CAMK4: variants seen among roughly 807,000 people sequenced by gnomAD.
The protein encoded by CAMK4 is calcium/calmodulin-dependent protein kinase type IV.
CAMK4 carries 22 observed loss-of-function variants against 44.9 expected under a neutral mutation model. The ratio of observed to expected loss-of-function variants is 0.49; its 90% CI spans 0.35 to 0.70. The LOEUF is 0.70. Among genes scored for constraint, CAMK4 ranks in the 30% least tolerant of loss-of-function variants. The pLI, the probability that CAMK4 is intolerant of heterozygous loss-of-function variation, is 0.01. For missense variants in CAMK4, 498 were observed against 586.8 expected (o/e 0.85, Z 1.56); for synonymous variants, 218 against 215.4 (o/e 1.01, Z -0.11).
Position 111,394,761 on chromosome 5 carries a change from A to AGGT in CAMK4, c.438_439insGGT (p.Lys146_Gln147insGly). The AGGT allele has an allele frequency of 6.2e-7, 1 of 1,612,244 alleles. No homozygotes were observed. The highest frequency in any genetic ancestry group is 8.5e-7 in the Non-Finnish European group (1 of 1,178,498). ...AGCGAGATGCTGCAGATGCCGTTAA[A>AGGT]CAAATCCTGGAGGCAGTTGCTGTAA... On this transcript the variant is annotated inframe_insertion, in exon 5 of 11. Transcript: ENST00000282356.
intron 5 of CAMK4, among the ~76,000 whole-genome samples, chr5:111,425,045 C>A (rs1027716254): frequency 6.6e-6 from 1 of 151,684 alleles, no homozygotes; most frequent in Non-Finnish European, 1.5e-5. Flanking sequence ...GCACTTGTAG[C>A]CCAGCTACTT....
At chr5:111,310,252 T>C (rs1177717935) in intron 1 of CAMK4, among the ~76,000 whole-genome samples, 1 of 152,218 alleles carries the variant, frequency 6.6e-6, no homozygotes, top group Non-Finnish European at 1.5e-5. Flanking sequence ...ACCTCCATTC[T>C]CTAGTAAACA....
In CAMK4 at chr5:111,484,818, A is replaced by T. The variant is rs932661194; in HGVS notation, c.*352A>T. On this transcript the variant is annotated 3_prime_UTR_variant, in exon 11 of 11. Coordinates refer to ENST00000282356, the MANE Select transcript of CAMK4 (RefSeq NM_001744.6). This position sits in a 1 kb window ranked among gnomAD's most constrained non-coding sequence, Gnocchi z 5.3. ...AATCTAGCCATCCTACATCCTTTGG[A>T]TTTCTTCACAAGGCAGTAATTCCTT... The T allele has an allele frequency of 5.9e-6, 1 of 170,292 alleles. No individual in the cohort carries two copies. Among genetic ancestry groups the T allele is most frequent in the Non-Finnish European group, 1.2e-5 (1 of 80,796 alleles). 10.5% of individuals were successfully genotyped at this position (170,292 alleles called of 1,614,324 possible).
At chr5:111,318,678 T>TCACTTCTGGC (rs1748535935) in intron 1 of CAMK4, among the ~76,000 whole-genome samples, 2 of 152,156 alleles carry the variant, frequency 1.3e-5, no homozygotes, top group South Asian at 4.1e-4. Flanking sequence ...GTCGCTAATG[T>TCACTTCTGGC]CACTTCTGGC....
intron 1 of CAMK4, among the ~76,000 whole-genome samples, chr5:111,301,570 ATAGGAAGG>A (rs1378355233): frequency 6.6e-6 from 1 of 152,220 alleles, no homozygotes; most frequent in Non-Finnish European, 1.5e-5. Flanking sequence ...GAAAATATAG[ATAGGAAGG>A]TGAATTTTTC....
At chr5:111,422,129 A>G (rs1448663421) in intron 5 of CAMK4, among the ~76,000 whole-genome samples, 4 of 152,206 alleles carry the variant, frequency 2.6e-5, no homozygotes, top group Non-Finnish European at 5.9e-5. Context: ...TCTGTGAGAC[A>G]CTTGATTCTA....
intron 5 of CAMK4, among the ~76,000 whole-genome samples, chr5:111,417,519 G>A (rs1752858167): frequency 6.6e-6 from 1 of 150,878 alleles, no homozygotes; most frequent in South Asian, 2.1e-4. Flanking sequence ...TCTGGCCCCA[G>A]CTAATTAAAA....
chr5:111,425,357 T>C (rs1395351381), intron 5 of CAMK4, among the ~76,000 whole-genome samples: 1 of 152,216 alleles, frequency 6.6e-6, no homozygotes, highest in East Asian at 1.9e-4. Flanking sequence ...ATGAATCAGA[T>C]TGGTCTCACC....
At chr5:111,414,774 G>C (rs556939972) in intron 5 of CAMK4, among the ~76,000 whole-genome samples, 3 of 152,048 alleles carry the variant, frequency 2.0e-5, no homozygotes, top group Non-Finnish European at 4.4e-5. Flanking sequence ...GTTTATATTA[G>C]TACTAAAATT....
At chr5:111,408,902 G>C (rs1047481083) in intron 5 of CAMK4, among the ~76,000 whole-genome samples, 1 of 152,150 alleles carries the variant, frequency 6.6e-6, no homozygotes, top group Non-Finnish European at 1.5e-5. Flanking sequence ...TTGACTCCTT[G>C]TCTCACCTCC....
chr5:111,460,851 A>T (rs1488230772), intron 7 of CAMK4, among the ~76,000 whole-genome samples: 1 of 150,890 alleles, frequency 6.6e-6, no homozygotes, highest in East Asian at 1.9e-4. Context: ...AATAAGTTGT[A>T]TTTTTTTTTC....
chr5:111,263,938 A>G (rs1285088828), intron 1 of CAMK4, among the ~76,000 whole-genome samples: 2 of 152,272 alleles, frequency 1.3e-5, no homozygotes, highest in Middle Eastern at 3.4e-3. Flanking sequence ...CATAGAAAAA[A>G]AAAGCCACCT....
At chr5:111,342,889 T>C (rs1028047023) in intron 1 of CAMK4, among the ~76,000 whole-genome samples, 7 of 151,680 alleles carry the variant, frequency 4.6e-5, no homozygotes, top group Non-Finnish European at 1.0e-4. Context: ...AATTTCTTCC[T>C]TCCATCATTT....
chr5:111,450,693 C>T (rs1044522097), intron 7 of CAMK4, among the ~76,000 whole-genome samples: 10 of 149,918 alleles, frequency 6.7e-5, no homozygotes, highest in African/African-American at 1.7e-4. Context: ...GAGGCTGAGG[C>T]AGTAGAATCC....
intron 2 of CAMK4, among the ~76,000 whole-genome samples, chr5:111,361,432 T>A (rs750000903): frequency 6.6e-6 from 1 of 152,020 alleles, no homozygotes; most frequent in Admixed American, 6.6e-5. Context: ...TAATATACAA[T>A]GAAAACCTAT....
intron 4 of CAMK4, among the ~76,000 whole-genome samples, chr5:111,378,891 C>A (rs1053650706): frequency 2.3e-5 from 3 of 132,096 alleles, no homozygotes; most frequent in African/African-American, 7.5e-5. Flanking sequence ...TGAAGATACT[C>A]TTGTTCACAT....
chr5:111,302,026 G>A (rs1027425089), intron 1 of CAMK4, among the ~76,000 whole-genome samples: 2 of 152,124 alleles, frequency 1.3e-5, no homozygotes, highest in Non-Finnish European at 2.9e-5. Context: ...TTGCTGAAGG[G>A]TAAATATTCT....
chr5:111,224,179 G>C (rs543574477), upstream of CAMK4: 8 of 250,662 alleles, frequency 3.2e-5, no homozygotes, highest in East Asian at 7.9e-4. This position sits in a 1 kb window ranked among gnomAD's most constrained non-coding sequence, Gnocchi z 5.7. Context: ...GAAAGGCTCG[G>C]CGCGGGAGGA....
At chr5:111,467,691 A>G (rs1003598770) in intron 7 of CAMK4, among the ~76,000 whole-genome samples, 1 of 152,174 alleles carries the variant, frequency 6.6e-6, no homozygotes, top group African/African-American at 2.4e-5. Flanking sequence ...TAATCAAAAA[A>G]TCAAAAAATA....
Sources: allele counts gnomAD v4.1 joint callset (sites outside exome capture counted in the v4.1 genomes callset), GRCh38; gene constraint gnomAD v4.1.1; non-coding constraint Gnocchi (gnomAD v3.1); transcripts MANE v1.5; gene names NCBI Gene and HGNC (gene_info 2026-07-23, HGNC 2026-07-21).